PDE11A: variants seen among roughly 807,000 people sequenced by gnomAD.
PDE11A encodes the protein dual 3',5'-cyclic-AMP and -GMP phosphodiesterase 11A.
A neutral mutation model predicts 100.5 loss-of-function variants in PDE11A; 100 were observed. The ratio of observed to expected loss-of-function variants is 1.00; its 90% confidence interval spans 0.85 to 1.18. The LOEUF is 1.18. Ranked by LOEUF, PDE11A falls within the 50% of genes most tolerant of loss-of-function variation. PDE11A has a pLI of 0.00. For missense variants in PDE11A, 1,141 were observed against 1,152.6 expected, an observed-to-expected ratio of 0.99 and a Z score of 0.15; for synonymous variants, 381 against 420.8, an observed-to-expected ratio of 0.91 and a Z score of 1.16.
chr2:178,021,210 C>T (rs2086407516), intron 1 of PDE11A, among the ~76,000 whole-genome samples: 1 of 152,210 alleles, frequency 6.6e-6, no homozygotes, highest in South Asian at 2.1e-4. Context: ...GATCCACCTG[C>T]CTCGGCCTCC....
chr2:178,037,582 T>C (rs1446203915), intron 1 of PDE11A, among the ~76,000 whole-genome samples: 2 of 152,184 alleles, frequency 1.3e-5, no homozygotes, highest in Non-Finnish European at 2.9e-5. Context: ...ATGTGTTTAT[T>C]GCAGCACTAT....
chr2:177,904,236 A>T (rs990525335), intron 3 of PDE11A, among the ~76,000 whole-genome samples: 2 of 152,164 alleles, frequency 1.3e-5, no homozygotes, highest in African/African-American at 4.8e-5. Flanking sequence ...TGCAACTTAG[A>T]TCTATAGCTC....
At chr2:178,106,190 T>G (rs1229180526) in intron 1 of PDE11A, among the ~76,000 whole-genome samples, 2 of 152,236 alleles carry the variant, frequency 1.3e-5, no homozygotes, top group Non-Finnish European at 2.9e-5. Flanking sequence ...AACACAAACA[T>G]TCTTAGTTAC....
chr2:177,687,663 TTGTG>T (rs1307143733), intron 15 of PDE11A: 1 of 152,074 alleles, frequency 6.6e-6, no homozygotes, highest in African/African-American at 2.4e-5. Flanking sequence ...CCTTGTGAAT[TTGTG>T]TGAGTTCTCT....
At chr2:177,737,629 T>C (rs1038493235) in intron 10 of PDE11A, among the ~76,000 whole-genome samples, 3 of 149,232 alleles carry the variant, frequency 2.0e-5, no homozygotes, top group Non-Finnish European at 3.0e-5. Flanking sequence ...GGGTTCTGGA[T>C]ACCTACAACC....
upstream of PDE11A, among the ~76,000 whole-genome samples, chr2:178,077,154 C>CA (rs1318396025): frequency 5.3e-5 from 8 of 152,102 alleles, no homozygotes; most frequent in African/African-American, 1.7e-4. Context: ...GGGACAAGGA[C>CA]ATGAATACTC....
chr2:177,676,158 G>C (rs2080769766), intron 16 of PDE11A: 1 of 164,722 alleles, frequency 6.1e-6, no homozygotes, highest in Non-Finnish European at 1.3e-5. Context: ...CACAGGAATG[G>C]TCTGAATCAG....
chr2:177,993,821 C>A lies in PDE11A; in HGVS notation c.1071+20481G>T, dbSNP rs146622175. Among the ~76,000 whole-genome samples the A allele has an allele frequency of 1.7e-3, 263 of 152,056 alleles. 2 individuals are homozygous for A. The highest frequency in any genetic ancestry group is 0.014 in the East Asian group (73 of 5,180). On this transcript the variant is annotated intron_variant, in intron 2 of 19. Transcript: ENST00000286063. Reference sequence around the variant, plus strand: ...TGCTAGACAAGACAGACTGCAGTTACCTCATCTATAAAGAAAAAAATTTAA... The same window carrying A: ...TGCTAGACAAGACAGACTGCAGTTAACTCATCTATAAAGAAAAAAATTTAA...
intron 10 of PDE11A, among the ~76,000 whole-genome samples, chr2:177,746,367 C>A (rs2081947444): frequency 1.3e-5 from 2 of 151,848 alleles, no homozygotes; most frequent in African/African-American, 4.8e-5. Flanking sequence ...GGAAACGGAA[C>A]AAACACCAGA....
chr2:178,090,547 G>A (rs2087410405), intron 2 of PDE11A, among the ~76,000 whole-genome samples: 1 of 145,356 alleles, frequency 6.9e-6, no homozygotes, highest in African/African-American at 2.6e-5. Flanking sequence ...CAAACCTGAG[G>A]GCCTTTTACT....
rs770200945 is a variant in PDE11A at position 177,659,770 on chromosome 2, CCTT to C, written c.2646+4093_2646+4095del. On this transcript the variant is annotated intron_variant, in intron 19 of 19. Coordinates refer to ENST00000286063, the MANE Select transcript of PDE11A (RefSeq NM_016953.4). ...AAGTTTGATTGTGTCTTTTTTTCTT[CCTT>C]CTTCTTCTTTTTTTTTTTCCCCCTC... Among the ~76,000 whole-genome samples the C allele has an allele frequency of 3.6e-3, 546 of 151,260 alleles. 2 individuals carry two copies. Among genetic ancestry groups the C allele is most frequent in the Non-Finnish European group, 6.6e-3 (449 of 67,904 alleles).
intron 8 of PDE11A, 129 bp from the exon 9 acceptor site, chr2:177,817,050 G>A: frequency 1.4e-6 from 1 of 698,160 alleles, no homozygotes; most frequent in East Asian, 2.7e-5. Flanking sequence ...AGGCCTTGGG[G>A]AAATAGGCAC....
chr2:177,840,392 G>T lies in PDE11A; in HGVS notation c.1368-9C>A. 1.2e-6 allele frequency: 2 copies of T among 1,613,148 alleles called. No homozygotes were observed. Among genetic ancestry groups the T allele is most frequent in the Non-Finnish European group, 1.7e-6 (2 of 1,179,240 alleles). ...CCATGCTTTCTTTGAAACTATCAGAGCACCAAGGTAGGCAGGAAGAAAAGA... is the reference window on the plus strand; with the variant it reads ...CCATGCTTTCTTTGAAACTATCAGATCACCAAGGTAGGCAGGAAGAAAAGA... On this transcript the variant is annotated splice_polypyrimidine_tract_variant and intron_variant, in intron 5 of 19. Transcript: ENST00000286063.
chr2:177,675,304 C>T, intron 17 of PDE11A, 151 bp downstream of exon 17: 1 of 678,856 alleles, frequency 1.5e-6, no homozygotes, highest in Non-Finnish European at 2.7e-6. Context: ...TGTGTCGTGC[C>T]TAAGCCTCCT....
At chr2:178,054,002 A>G (rs879344024) in intron 1 of PDE11A, among the ~76,000 whole-genome samples, 4 of 152,206 alleles carry the variant, frequency 2.6e-5, no homozygotes, top group Non-Finnish European at 4.4e-5. Context: ...CAGAATTGGA[A>G]AAAACTACTT....
At chr2:178,033,152 T>A (rs1316436693) in intron 1 of PDE11A, among the ~76,000 whole-genome samples, 1 of 152,208 alleles carries the variant, frequency 6.6e-6, no homozygotes, top group South Asian at 2.1e-4. Context: ...AGAACCTTGA[T>A]AAAAGGTTAC....
At chr2:177,669,720 G>A (rs940426535) in intron 17 of PDE11A, among the ~76,000 whole-genome samples, 153 bp from the exon 18 acceptor site, 2 of 152,190 alleles carry the variant, frequency 1.3e-5, no homozygotes, top group South Asian at 2.1e-4. Context: ...ATGTTTGAAG[G>A]TGTTATAGAA....
chr2:177,892,906 T>A (rs1436067618), intron 4 of PDE11A, among the ~76,000 whole-genome samples: 1 of 152,248 alleles, frequency 6.6e-6, no homozygotes, highest in Non-Finnish European at 1.5e-5. Flanking sequence ...TTGCCTCTCA[T>A]GCTCCTTTGG....
At chr2:177,753,524 T>C (rs931529548) in intron 10 of PDE11A, among the ~76,000 whole-genome samples, 3 of 151,826 alleles carry the variant, frequency 2.0e-5, no homozygotes, top group Admixed American at 2.0e-4. Flanking sequence ...CTCCTTTGCT[T>C]TTTTCTGAGG....
Sources: allele counts gnomAD v4.1 joint callset (sites outside exome capture counted in the v4.1 genomes callset), GRCh38; gene constraint gnomAD v4.1.1; transcripts MANE v1.5; gene names NCBI Gene and HGNC (gene_info 2026-07-23, HGNC 2026-07-21).